The following NFIA variants were observed in gnomAD, a reference collection of about 807,000 sequenced individuals.
NFIA encodes nuclear factor I A, also known as nuclear factor 1 A-type.
Under a neutral mutation model 62.8 loss-of-function variants are expected in NFIA, and 8 were observed. That is an observed-to-expected ratio of 0.13 (90% CI 0.07 to 0.23). NFIA has a LOEUF of 0.23. Among genes scored for constraint, NFIA ranks in the 10% least tolerant of loss-of-function variants. NFIA has a pLI of 1.00. For missense variants in NFIA, 410 were observed against 642.1 expected (o/e 0.64, Z 3.91); for synonymous variants, 235 against 238.1 (o/e 0.99, Z 0.12).
In NFIA at chr1:61,277,535, A is replaced by G. The variant is rs752039446; in HGVS notation, c.575A>G (p.Glu192Gly). 1 of 1,613,876 alleles carries G rather than the reference A, an allele frequency of 6.2e-7. No homozygotes were observed. The highest frequency in any genetic ancestry group is 2.2e-5 in the East Asian group (1 of 44,876). Reference sequence around the variant, plus strand: ...TGTTTTTCAGATTCAAGTCAATCTGAAAGTCCCAGCCAGCCAAGTGACGCT... The same window carrying G: ...TGTTTTTCAGATTCAAGTCAATCTGGAAGTCCCAGCCAGCCAAGTGACGCT... ...FVHAADSSQSESPSQPSDADI... is the reference protein window; with the variant it reads ...FVHAADSSQSGSPSQPSDADI... The change falls in exon 3 of 11, where the codon GAA (glutamate) becomes GGA (glycine). Residue 192 changes from glutamate (E) to glycine (G), a missense_variant. By Grantham distance (98) the Glu-to-Gly change is moderately conservative. Coordinates refer to ENST00000403491, the MANE Select transcript of NFIA (RefSeq NM_001134673.4).
chr1:61,439,881 T>C (rs1667500206), intron 10 of NFIA, among the ~76,000 whole-genome samples: 1 of 152,204 alleles, frequency 6.6e-6, no homozygotes, highest in South Asian at 2.1e-4. Flanking sequence ...CTAATTTTTT[T>C]GTGAGGAATT....
rs1287675823 is a variant in NFIA, at chr1:61,426,550, G to A, written c.1506G>A (p.Gln502=). 6.4e-7 allele frequency: 1 copy of A among 1,550,604 alleles called. No individual in the cohort carries two copies. The highest frequency in any genetic ancestry group is 8.7e-7 in the Non-Finnish European group (1 of 1,146,040). Residue 502 remains glutamine (Q), a synonymous_variant, in exon 10 of 11, where the codon CAG becomes CAA. Transcript: ENST00000403491. ...RDPSFVNIPQ[Q]TQSWYLG ...CAAGCTTTGTAAATATCCCTCAACAGACACAGGTGGGCCGCTCTCATCTTT... is the reference window on the plus strand; with the variant it reads ...CAAGCTTTGTAAATATCCCTCAACAAACACAGGTGGGCCGCTCTCATCTTT...
chr1:61,291,132 C>T (rs115403680), intron 3 of NFIA, among the ~76,000 whole-genome samples: 2,099 of 152,164 alleles, frequency 0.014, 34 homozygotes, highest in African/African-American at 0.048. Flanking sequence ...TTAGGAAAGA[C>T]GAAGAAAGAA....
intron 6 of NFIA, among the ~76,000 whole-genome samples, chr1:61,368,302 C>T (rs1376758563): frequency 6.6e-6 from 1 of 152,086 alleles, no homozygotes; most frequent in Non-Finnish European, 1.5e-5. Flanking sequence ...GCTCAGGTGG[C>T]CAACTCATGG....
At chr1:61,200,010 GTATATA>G (rs60422302) in intron 2 of NFIA, among the ~76,000 whole-genome samples, 1,129 of 52,590 alleles carry the variant, frequency 0.021, 35 homozygotes, top group Middle Eastern at 0.083. Flanking sequence ...ATATATATAT[GTATATA>G]TATATATATA....
intron 3 of NFIA, among the ~76,000 whole-genome samples, chr1:61,323,596 G>A (rs1197093162): frequency 6.6e-6 from 1 of 152,142 alleles, no homozygotes; most frequent in Non-Finnish European, 1.5e-5. Context: ...AATTTAAATA[G>A]TCACTATACA....
At chr1:61,158,930 G>T (rs1303135162) in intron 2 of NFIA, among the ~76,000 whole-genome samples, 1 of 152,158 alleles carries the variant, frequency 6.6e-6, no homozygotes, top group Non-Finnish European at 1.5e-5. Flanking sequence ...GAAGAATGTG[G>T]GAAAGAAATG....
At chr1:61,309,491 C>CAAAA (rs35779753) in intron 3 of NFIA, among the ~76,000 whole-genome samples, 5 of 147,098 alleles carry the variant, frequency 3.4e-5, no homozygotes, top group African/African-American at 5.0e-5. Flanking sequence ...ACAACAACAA[C>CAAAA]AAAAAAAAAA....
chr1:61,120,277 T>A (rs1287467369), intron 2 of NFIA, among the ~76,000 whole-genome samples: 1 of 152,212 alleles, frequency 6.6e-6, no homozygotes, highest in East Asian at 1.9e-4. Flanking sequence ...CAATAAGTAA[T>A]GCCAAGTGGG....
At chr1:61,252,316 TG>T (rs1557662878) in intron 2 of NFIA, among the ~76,000 whole-genome samples, 1 of 152,230 alleles carries the variant, frequency 6.6e-6, no homozygotes, top group Non-Finnish European at 1.5e-5. Flanking sequence ...TTTTACCAGT[TG>T]TGTGCTTACC....
At chr1:61,338,109 C>T (rs922729706) in intron 4 of NFIA, among the ~76,000 whole-genome samples, 2 of 152,200 alleles carry the variant, frequency 1.3e-5, no homozygotes, top group Admixed American at 1.3e-4. Context: ...AAGTAAACTT[C>T]GTGGCTAAGG....
rs41311168 is a variant in NFIA at position 61,460,966 on chromosome 1, G to A, written c.*5646G>A. Reference sequence around the variant, plus strand: ...TTCGGCTGTTTTCAGTATTTTGGAGGTATACATTTACTTAAATTCAGTATT... The same window carrying A: ...TTCGGCTGTTTTCAGTATTTTGGAGATATACATTTACTTAAATTCAGTATT... On this transcript the variant is annotated 3_prime_UTR_variant, in exon 11 of 11. Coordinates refer to ENST00000403491, the MANE Select transcript of NFIA (RefSeq NM_001134673.4). The A allele has an allele frequency of 1.3e-5, 2 of 152,176 alleles. No individual in the cohort carries two copies. The highest frequency in any genetic ancestry group is 2.9e-5 in the Non-Finnish European group (2 of 68,002). 9.4% of individuals were successfully genotyped at this position (152,176 alleles called of 1,614,324 possible).
intron 2 of NFIA, among the ~76,000 whole-genome samples, chr1:61,147,578 T>G (rs1648102696): frequency 6.6e-6 from 1 of 152,242 alleles, no homozygotes; most frequent in South Asian, 2.1e-4. Flanking sequence ...AATTTTAAAT[T>G]AGAATCTTAC....
chr1:61,154,173 G>A (rs1028423445), intron 2 of NFIA, among the ~76,000 whole-genome samples: 1 of 152,010 alleles, frequency 6.6e-6, no homozygotes, highest in East Asian at 1.9e-4. Context: ...TTTTTGAGGT[G>A]GAGTCTCACA....
At chr1:61,177,472 GATGCTAT>G (rs1027704054) in intron 2 of NFIA, among the ~76,000 whole-genome samples, 11 of 152,110 alleles carry the variant, frequency 7.2e-5, no homozygotes, top group Non-Finnish European at 1.3e-4. Flanking sequence ...TTTATCTAGT[GATGCTAT>G]ATGCATTATC....
In NFIA at chr1:61,387,468, CTTT is replaced by C. The variant is rs33965994; in HGVS notation, c.1075+4124_1075+4126del. Among the ~76,000 whole-genome samples, 469 of 95,404 alleles carry C rather than the reference CTTT, an allele frequency of 4.9e-3. 4 individuals carry two copies. The highest frequency in any genetic ancestry group is 0.036 in the East Asian group (111 of 3,118). 62.6% of individuals were successfully genotyped at this position (95,404 alleles called of 152,430 possible). ...TCCCCCAGATCAGCTCAAGCACTTT[CTTT>C]TTTTTTTTTTTTTTTTTTTTGAGAC... On this transcript the variant is annotated intron_variant, in intron 7 of 10. Coordinates refer to ENST00000403491, the MANE Select transcript of NFIA (RefSeq NM_001134673.4).
chr1:61,085,563 C>T (rs1225005951), intron 1 of NFIA, among the ~76,000 whole-genome samples: 1 of 151,800 alleles, frequency 6.6e-6, no homozygotes, highest in Non-Finnish European at 1.5e-5. Flanking sequence ...TATAAGGGCA[C>T]ACTACTTTTT....
intron 3 of NFIA, among the ~76,000 whole-genome samples, chr1:61,300,714 T>C (rs1570540389): frequency 1.3e-5 from 2 of 151,992 alleles, no homozygotes; most frequent in East Asian, 1.9e-4. Context: ...TGTGTATATA[T>C]ATGTATATAC....
At chr1:61,218,754 C>T (rs1192187126) in intron 2 of NFIA, among the ~76,000 whole-genome samples, 1 of 152,108 alleles carries the variant, frequency 6.6e-6, no homozygotes, top group Non-Finnish European at 1.5e-5. Flanking sequence ...ATTGATGGAT[C>T]ATTTGTGAAA....
Sources: allele counts gnomAD v4.1 joint callset (sites outside exome capture counted in the v4.1 genomes callset), GRCh38; gene constraint gnomAD v4.1.1; transcripts MANE v1.5; gene names NCBI Gene and HGNC (gene_info 2026-07-23, HGNC 2026-07-21).